TTL: variants seen among roughly 807,000 people sequenced by gnomAD.
TTL encodes the protein tubulin tyrosine ligase, also known as tubulin--tyrosine ligase.
A neutral mutation model predicts 41.1 loss-of-function variants in TTL; 10 were observed. That is an observed-to-expected ratio of 0.24 (90% CI 0.15 to 0.41). The LOEUF (loss-of-function observed/expected upper bound fraction) is 0.41, where lower values mean the gene tolerates loss of function less well. TTL is among the 10% of genes least tolerant of loss of function. The pLI, the probability that TTL is intolerant of heterozygous loss-of-function variation, is 1.00. For synonymous variants in TTL, 175 were observed against 175.5 expected, an observed-to-expected ratio of 1.00 and a Z score of 0.02; for missense variants, 367 against 460.4, an observed-to-expected ratio of 0.80 and a Z score of 1.86.
intron 2 of TTL, among the ~76,000 whole-genome samples, chr2:112,491,258 T>G (rs1681378254): frequency 6.6e-6 from 1 of 152,230 alleles, no homozygotes; most frequent in Non-Finnish European, 1.5e-5. Flanking sequence ...CCCAAAGTGC[T>G]GAGATTATAG....
At chr2:112,525,103 A>C (rs1457455334) in intron 6 of TTL, among the ~76,000 whole-genome samples, 1 of 152,030 alleles carries the variant, frequency 6.6e-6, no homozygotes. Flanking sequence ...GTGGTTGTAG[A>C]TGTGTGACAT....
At chr2:112,515,110 C>T (rs1286961019) in intron 5 of TTL, among the ~76,000 whole-genome samples, 1 of 152,002 alleles carries the variant, frequency 6.6e-6, no homozygotes. Flanking sequence ...TTATGAAATT[C>T]TCCCACTTGC....
At chr2:112,527,806 A>AT (rs1276990288) in intron 6 of TTL, among the ~76,000 whole-genome samples, 2 of 152,314 alleles carry the variant, frequency 1.3e-5, no homozygotes, top group East Asian at 3.9e-4. Flanking sequence ...CATTTAGCCC[A>AT]TTTACACTTA....
chr2:112,512,412 G>T (rs955822069), intron 5 of TTL, among the ~76,000 whole-genome samples: 1 of 151,996 alleles, frequency 6.6e-6, no homozygotes, highest in Non-Finnish European at 1.5e-5. Flanking sequence ...ACAGGCGCCC[G>T]CCACCATGCC....
rs1406247447 is a variant in TTL, at chr2:112,533,803, A to G, written c.*5008A>G. On this transcript the variant is annotated 3_prime_UTR_variant, in exon 7 of 7. Transcript: ENST00000233336. ...TAGAGATTAAGTTTCCAACACATTTACTTTGGGGAACACATTCAAACCATA... is the reference window on the plus strand; with the variant it reads ...TAGAGATTAAGTTTCCAACACATTTGCTTTGGGGAACACATTCAAACCATA... 2 of 152,210 alleles carry G rather than the reference A, an allele frequency of 1.3e-5. No individual in the cohort carries two copies. The highest frequency in any genetic ancestry group is 2.1e-4 in the South Asian group (1 of 4,828). 9.4% of individuals were successfully genotyped at this position (152,210 alleles called of 1,614,324 possible).
At chr2:112,492,120 A>G (rs1292064889) in intron 2 of TTL, among the ~76,000 whole-genome samples, 1 of 152,154 alleles carries the variant, frequency 6.6e-6, no homozygotes, top group African/African-American at 2.4e-5. Flanking sequence ...GAATCAATCT[A>G]TTGTCCCTGA....
intron 5 of TTL, among the ~76,000 whole-genome samples, chr2:112,517,430 G>A (rs1229360009): frequency 6.6e-6 from 1 of 151,522 alleles, no homozygotes; most frequent in African/African-American, 2.4e-5. Flanking sequence ...TGTATGTTTA[G>A]TAGAGATGAG....
At position 112,530,964 on chromosome 2, in the gene TTL, T is replaced by A. The variant is rs1312747287; in HGVS notation, c.*2169T>A. 5.6e-6 allele frequency: 1 copy of A among 178,644 alleles called. No homozygotes were observed. Among genetic ancestry groups the A allele is most frequent in the African/African-American group, 2.4e-5 (1 of 42,298 alleles). The allele number at this position is 178,644 out of a possible 1,614,324, so 11.1% of individuals were successfully genotyped here. A position where few individuals can be genotyped will look rare whatever the true frequency, so the allele number is the denominator to read the frequency against. Reference sequence around the variant, plus strand: ...CAAATAAATTTAAATAAATTTTAAATAAATTTTAAATAAAATTTTACAGAG... The same window carrying A: ...CAAATAAATTTAAATAAATTTTAAAAAAATTTTAAATAAAATTTTACAGAG... On this transcript the variant is annotated 3_prime_UTR_variant, in exon 7 of 7. Transcript: ENST00000233336.
At position 112,538,530 on chromosome 2, in the gene TTL, ACT is replaced by A. The variant is rs1158987951; in HGVS notation, c.*9736_*9737del. 1 of 152,202 alleles carries A rather than the reference ACT, an allele frequency of 6.6e-6. No individual in the cohort carries two copies. The highest frequency in any genetic ancestry group is 1.5e-5 in the Non-Finnish European group (1 of 68,042). 9.4% of individuals were successfully genotyped at this position (152,202 alleles called of 1,614,324 possible). On this transcript the variant is annotated 3_prime_UTR_variant, in exon 7 of 7. Transcript: ENST00000233336. ...GGTGGCTCACTCCTATAATCTCAGC[ACT>A]TTTAGGAGGCCAAGGTGGGCAGATC... is the stretch of plus-strand genomic sequence containing the variant.
In TTL at chr2:112,536,195, C is replaced by A. The variant is rs1165407593; in HGVS notation, c.*7400C>A. The stretch of plus-strand genomic sequence containing the variant: ...GCTTCCAAATCTTGGCTATTGCAAA[C>A]AAGGCTGCAGTAAACATGGGAGTGC... On this transcript the variant is annotated 3_prime_UTR_variant, in exon 7 of 7. Transcript: ENST00000233336. 6.6e-6 allele frequency: 1 copy of A among 152,102 alleles called. No homozygotes were observed. Among genetic ancestry groups the A allele is most frequent in the Non-Finnish European group, 1.5e-5 (1 of 68,088 alleles). The allele number at this position is 152,102 out of a possible 1,614,324, so 9.4% of individuals were successfully genotyped here.
chr2:112,493,092 C>G (rs1681433963), intron 2 of TTL, among the ~76,000 whole-genome samples: 1 of 152,140 alleles, frequency 6.6e-6, no homozygotes. Flanking sequence ...CTTTTCAGTT[C>G]TTTCCCTTAC....
intron 5 of TTL, among the ~76,000 whole-genome samples, chr2:112,517,890 C>T (rs1682112696): frequency 6.6e-6 from 1 of 151,396 alleles, no homozygotes; most frequent in African/African-American, 2.4e-5. Context: ...AGGCTGACTG[C>T]AGTGAGCCAT....
chr2:112,489,619 TTA>T (rs1681328519), intron 2 of TTL, among the ~76,000 whole-genome samples: 1 of 152,340 alleles, frequency 6.6e-6, no homozygotes, highest in Admixed American at 6.5e-5. Flanking sequence ...CAGATTTCTT[TTA>T]GTTTTTGCAG....
At chr2:112,518,135 A>ATTTTTTTT (rs34617627) in intron 5 of TTL, among the ~76,000 whole-genome samples, 11 of 135,936 alleles carry the variant, frequency 8.1e-5, no homozygotes, top group Non-Finnish European at 1.3e-4. Flanking sequence ...CAGCCAACTA[A>ATTTTTTTT]TTTTTTTTTT....
chr2:112,520,334 C>A lies in TTL; in HGVS notation c.928C>A (p.Gln310Lys). The change falls in exon 6 of 7, where the codon CAG becomes AAG. Residue 310 changes from glutamine (Q) to lysine (K), a missense_variant. Gln to Lys is a moderately conservative substitution (Grantham distance 53, BLOSUM62 1). Transcript: ENST00000233336. Reference protein sequence around the residue: ...PAISTKHLPYQSFQLFGFDFM... With the variant: ...PAISTKHLPYKSFQLFGFDFM... ...CATTAGCACCAAGCACCTCCCTTAC[C>A]AGAGCTTCCAGCTCTTCGGCTTTGA... The A allele has an allele frequency of 6.2e-7, 1 of 1,614,196 alleles. No individual in the cohort carries two copies. The highest frequency in any genetic ancestry group is 2.2e-5 in the East Asian group (1 of 44,880).
At chr2:112,517,002 G>A (rs943374440) in intron 5 of TTL, among the ~76,000 whole-genome samples, 7 of 152,046 alleles carry the variant, frequency 4.6e-5, no homozygotes, top group African/African-American at 1.7e-4. Flanking sequence ...TTGCTGCTGT[G>A]GTGCTATAAA....
rs2104484098 is a variant in TTL at position 112,533,053 on chromosome 2, T to C, written c.*4258T>C. ...ATAGAAAGAGTTTCATTAATGCAAA[T>C]TGTTATTAACTTGTAACTTCTTGTG... is the stretch of plus-strand genomic sequence containing the variant. On this transcript the variant is annotated 3_prime_UTR_variant, in exon 7 of 7. Transcript: ENST00000233336. 6.6e-6 allele frequency: 1 copy of C among 152,340 alleles called. No homozygotes were observed. Among genetic ancestry groups the C allele is most frequent in the East Asian group, 1.9e-4 (1 of 5,192 alleles). 9.4% of individuals were successfully genotyped at this position (152,340 alleles called of 1,614,324 possible).
chr2:112,494,630 A>G (rs1470608666), intron 3 of TTL, among the ~76,000 whole-genome samples: 1 of 152,124 alleles, frequency 6.6e-6, no homozygotes, highest in Non-Finnish European at 1.5e-5. Context: ...CTGATACAGA[A>G]CTTTTCATTT....
intron 5 of TTL, among the ~76,000 whole-genome samples, chr2:112,515,414 GTC>G (rs1682040301): frequency 6.6e-6 from 1 of 152,014 alleles, no homozygotes; most frequent in Non-Finnish European, 1.5e-5. Flanking sequence ...TGTTTCTATT[GTC>G]TCTTTTTTCT....
Sources: allele counts gnomAD v4.1 joint callset (sites outside exome capture counted in the v4.1 genomes callset), GRCh38; gene constraint gnomAD v4.1.1; transcripts MANE v1.5; gene names NCBI Gene and HGNC (gene_info 2026-07-23, HGNC 2026-07-21).